Variants in BTNL2 observed in about 807,000 individuals in gnomAD.
The protein encoded by BTNL2 is butyrophilin like 2, also known as butyrophilin-like protein 2.
A neutral mutation model predicts 46.8 loss-of-function variants in BTNL2; 46 were observed. The ratio of observed to expected loss-of-function variants is 0.98; its 90% CI spans 0.78 to 1.26. The LOEUF (loss-of-function observed/expected upper bound fraction) is 1.26. Among genes scored for constraint, BTNL2 ranks in the 50% most tolerant of loss-of-function variants. The probability of loss-of-function intolerance (pLI) is 0.00; values close to 1 mark genes in which losing one functional copy is unlikely to be tolerated. For synonymous variants in BTNL2, 226 were observed against 229.1 expected, an observed-to-expected ratio of 0.99 and a Z score of 0.12; for missense variants, 461 against 592.6, an observed-to-expected ratio of 0.78 and a Z score of 2.31.
At position 32,394,028 on chromosome 6, in the gene BTNL2, G is replaced by A. The variant is rs1238947131; in HGVS notation, c.1390C>T (p.Leu464=). 6.5e-7 allele frequency: 1 copy of A among 1,550,214 alleles called. No individual in the cohort carries two copies. The highest frequency in any genetic ancestry group is 8.7e-7 in the Non-Finnish European group (1 of 1,146,738). ...GCAAGAAGCAATCCCCAAACAAGCA[G>A]TGTTTTCCACAAAAACGTCATCCTG... The part of the protein sequence containing the change: ...ESRMTFLWKT[L]LVWGLLLAVA... The change falls in exon 7 of 8, where the codon CTG becomes TTG. Residue 464 remains leucine (L), a synonymous_variant. Coordinates refer to ENST00000454136, the MANE Select transcript of BTNL2 (RefSeq NM_001304561.2). The surrounding 1 kb of genome is among the most constrained non-coding windows in gnomAD (Gnocchi z 4.6).
chr6:32,396,275 C>G lies in BTNL2; in HGVS notation c.842G>C (p.Arg281Thr), dbSNP rs41355746. 32 of 1,613,066 alleles carry G rather than the reference C, an allele frequency of 2.0e-5. 2 individuals are homozygous for G. Among genetic ancestry groups the G allele is most frequent in the East Asian group, 1.3e-4 (6 of 44,866 alleles). The change falls in exon 5 of 8, where the codon AGG becomes ACG. Residue 281 changes from arginine (R) to threonine (T), a missense_variant. By Grantham distance (71) the Arg-to-Thr change is moderately conservative (BLOSUM62 -1). Coordinates refer to ENST00000454136, the MANE Select transcript of BTNL2 (RefSeq NM_001304561.2). The surrounding 1 kb of genome is among the most constrained non-coding windows in gnomAD (Gnocchi z 4.4). ...PKANAQSMEVRWDRSHRYPAV... is the reference protein window; with the variant it reads ...PKANAQSMEVTWDRSHRYPAV... ...AGGGTAACGGTGGGATCGGTCCCAC[C>G]TCACCTCCATGCTCTGTGCATTCGC...
In BTNL2 at chr6:32,394,778, C is replaced by G; in HGVS notation, c.1326G>C (p.Leu442Phe). The G allele has an allele frequency of 6.2e-7, 1 of 1,613,480 alleles. No homozygotes were observed. Among genetic ancestry groups the G allele is most frequent in the Non-Finnish European group, 8.5e-7 (1 of 1,179,562 alleles). The part of the protein sequence containing the change: ...DVTCSISIPF[L>F]GEEKIATFSL... ...AAAAAGTTGCGATTTTCTCCTCGCC[C>G]AAAAAGGGGATGCTGATGGAACAAG... is the stretch of plus-strand genomic sequence containing the variant. The change falls in exon 6 of 8, where the codon TTG becomes TTC. Residue 442 changes from leucine (L) to phenylalanine (F), a missense_variant. Leu to Phe is a conservative substitution (Grantham distance 22). Transcript: ENST00000454136. The surrounding 1 kb of genome is among the most constrained non-coding windows in gnomAD (Gnocchi z 4.6).
Position 32,394,076 on chromosome 6 carries a change from A to T in BTNL2, c.1361-19T>A, listed in dbSNP as rs943843553. ...CTGGACTCTAAAATGGAAACCCAAG[A>T]ATCCCTTGAAACTGTGAAACTGGGA... On this transcript the variant is annotated intron_variant, in intron 6 of 7. Transcript: ENST00000454136. The surrounding 1 kb of genome is among the most constrained non-coding windows in gnomAD (Gnocchi z 4.6). The T allele has an allele frequency of 7.7e-6, 12 of 1,549,010 alleles. No individual in the cohort carries two copies. Among genetic ancestry groups the T allele is most frequent in the Non-Finnish European group, 1.0e-5 (12 of 1,145,884 alleles).
chr6:32,393,421 A>C lies in BTNL2; in HGVS notation c.*7-32T>G, dbSNP rs1241204214. 2.6e-5 allele frequency: 4 copies of C among 152,722 alleles called. No homozygotes were observed. Among genetic ancestry groups the C allele is most frequent in the Non-Finnish European group, 5.9e-5 (4 of 68,116 alleles). 9.5% of individuals were successfully genotyped at this position (152,722 alleles called of 1,614,324 possible). A position where few individuals can be genotyped will look rare whatever the true frequency, so the allele number is the denominator to read the frequency against. Reference sequence around the variant, plus strand: ...AGAAAGAGAATCCATTCTGATAATTAATCAATATAATTTCATTCTATTAAC... The same window carrying C: ...AGAAAGAGAATCCATTCTGATAATTCATCAATATAATTTCATTCTATTAAC... On this transcript the variant is annotated intron_variant, in intron 7 of 7. Coordinates refer to ENST00000454136, the MANE Select transcript of BTNL2 (RefSeq NM_001304561.2). The surrounding 1 kb of genome is among the most constrained non-coding windows in gnomAD (Gnocchi z 4.8).
At chr6:32,404,896 ATCTC>A in intron 2 of BTNL2, 39 bp downstream of exon 2, 1 of 1,553,352 alleles carries the variant, frequency 6.4e-7, no homozygotes. Context: ...AAATTAATAT[ATCTC>A]TGCCTCTTGA....
At position 32,404,290 on chromosome 6, in the gene BTNL2, C is replaced by T. The variant is rs116601236; in HGVS notation, c.427+649G>A. ...TGTCAGGGAATCATATGATAGTTTA[C>T]TTTTCATAAGACAGATCCATTCTTC... On this transcript the variant is annotated intron_variant, in intron 2 of 7. Coordinates refer to ENST00000454136, the MANE Select transcript of BTNL2 (RefSeq NM_001304561.2). Among the ~76,000 whole-genome samples, 808 of 152,306 alleles carry T rather than the reference C, an allele frequency of 5.3e-3. 9 individuals carry two copies. The highest frequency in any genetic ancestry group is 0.018 in the African/African-American group (763 of 41,548).
chr6:32,401,714 G>T, intron 4 of BTNL2, 71 bp downstream of exon 4: 1 of 1,451,394 alleles, frequency 6.9e-7, no homozygotes, highest in Non-Finnish European at 9.5e-7. Flanking sequence ...TGGTCTCGTG[G>T]TAGCTCCCCT....
At chr6:32,406,949 C>T (rs2150326501) in intron 1 of BTNL2, 96 bp downstream of exon 1, 1 of 1,166,584 alleles carries the variant, frequency 8.6e-7, no homozygotes, top group Non-Finnish European at 1.2e-6. Context: ...TGGCTTGGCC[C>T]CAGACTTACA....
intron 2 of BTNL2, chr6:32,403,752 T>C (rs1432996735): frequency 6.4e-6 from 1 of 155,434 alleles, no homozygotes; most frequent in Non-Finnish European, 1.4e-5. Context: ...AATGCGAATC[T>C]CCACGAGGCG....
chr6:32,402,881 C>G (rs565000191), intron 3 of BTNL2, 54 bp downstream of exon 3: 1 of 1,576,790 alleles, frequency 6.3e-7, no homozygotes, highest in South Asian at 1.1e-5. Flanking sequence ...GGTGCAGTCC[C>G]TGGGACCTCT....
intron 5 of BTNL2, among the ~76,000 whole-genome samples, chr6:32,395,394 C>T (rs1776378992): frequency 6.6e-6 from 1 of 152,138 alleles, no homozygotes; most frequent in Non-Finnish European, 1.5e-5. Context: ...TATCTACGTC[C>T]AATGGCAGAA....
chr6:32,402,505 G>A (rs1204495606), intron 3 of BTNL2, among the ~76,000 whole-genome samples: 1 of 151,922 alleles, frequency 6.6e-6, no homozygotes, highest in Admixed American at 6.6e-5. Flanking sequence ...TGTATTGGGG[G>A]GTTGGTTGTT....
Sources: allele counts gnomAD v4.1 joint callset (sites outside exome capture counted in the v4.1 genomes callset), GRCh38; gene constraint gnomAD v4.1.1; non-coding constraint Gnocchi (gnomAD v3.1); transcripts MANE v1.5; gene names NCBI Gene and HGNC (gene_info 2026-07-23, HGNC 2026-07-21).